Variants in KIAA1217 observed in about 807,000 individuals in gnomAD.
KIAA1217 encodes the protein KIAA1217, also known as sickle tail protein homolog.
In KIAA1217, 88 loss-of-function variants were observed where a neutral mutation model predicts 163.9. The ratio of observed to expected loss-of-function variants is 0.54; its 90% confidence interval spans 0.45 to 0.64. The LOEUF (loss-of-function observed/expected upper bound fraction) is 0.64. Among genes scored for constraint, KIAA1217 ranks in the 30% least tolerant of loss-of-function variants. KIAA1217 has a pLI of 0.00. For synonymous variants in KIAA1217, 903 were observed against 923.1 expected (o/e 0.98, Z 0.39); for missense variants, 2,372 against 2,475.0 (o/e 0.96, Z 0.88).
chr10:24,208,462 T>TA (rs1357145720), upstream of KIAA1217, among the ~76,000 whole-genome samples: 2 of 151,774 alleles, frequency 1.3e-5, no homozygotes, highest in African/African-American at 2.4e-5. Context: ...AACTTTTTTT[T>TA]AAAAAGTCCA....
At chr10:23,942,949 A>C (rs965283368) in intron 1 of KIAA1217, among the ~76,000 whole-genome samples, 49 of 148,864 alleles carry the variant, frequency 3.3e-4, no homozygotes, top group African/African-American at 1.2e-3. Context: ...CTGTACCAAA[A>C]AAAAAAAAAA....
chr10:23,870,891 G>A (rs1188863258), intron 1 of KIAA1217, among the ~76,000 whole-genome samples: 2 of 151,998 alleles, frequency 1.3e-5, no homozygotes, highest in African/African-American at 4.8e-5. Flanking sequence ...TATCCCTATG[G>A]TATATTTCAG....
At chr10:24,427,488 C>T (rs908608395) in intron 3 of KIAA1217, among the ~76,000 whole-genome samples, 2 of 152,086 alleles carry the variant, frequency 1.3e-5, no homozygotes, top group African/African-American at 4.8e-5. Context: ...TAGCTTCTGC[C>T]AAATGATGAG....
intron 1 of KIAA1217, among the ~76,000 whole-genome samples, chr10:23,870,109 G>T (rs1840388039): frequency 6.6e-6 from 1 of 152,068 alleles, no homozygotes; most frequent in African/African-American, 2.4e-5. Flanking sequence ...TAACAATGTA[G>T]CTATCTACCC....
intron 1 of KIAA1217, among the ~76,000 whole-genome samples, chr10:23,718,937 TATC>T (rs1404525472): frequency 6.6e-6 from 1 of 151,984 alleles, no homozygotes; most frequent in African/African-American, 2.4e-5. Context: ...TTTCAAGAAA[TATC>T]ATTCAGTTAG....
At chr10:23,870,772 A>G (rs1477918406) in intron 1 of KIAA1217, among the ~76,000 whole-genome samples, 3 of 152,154 alleles carry the variant, frequency 2.0e-5, no homozygotes, top group Non-Finnish European at 2.9e-5. Context: ...CAGTCTGGCT[A>G]CAAAATCAAG....
chr10:23,816,575 G>T (rs899607737), intron 1 of KIAA1217, among the ~76,000 whole-genome samples: 13 of 152,186 alleles, frequency 8.5e-5, no homozygotes, highest in Admixed American at 6.5e-4. Context: ...GCCTAGGCAG[G>T]TGGATCACTT....
At chr10:23,967,937 A>G (rs1351794886) in intron 1 of KIAA1217, among the ~76,000 whole-genome samples, 10 of 91,522 alleles carry the variant, frequency 1.1e-4, no homozygotes, top group East Asian at 3.9e-4. Flanking sequence ...GTGTGTGTGT[A>G]TGGAGGACAT....
intron 1 of KIAA1217, among the ~76,000 whole-genome samples, chr10:23,979,181 G>A (rs748340988): frequency 7.9e-5 from 12 of 152,288 alleles, no homozygotes; most frequent in Non-Finnish European, 1.2e-4. Context: ...TAGAAGAAGA[G>A]GAATTAAAAT....
intron 2 of KIAA1217, among the ~76,000 whole-genome samples, chr10:24,151,116 C>T (rs908920779): frequency 1.3e-5 from 2 of 151,994 alleles, no homozygotes; most frequent in African/African-American, 4.8e-5. Context: ...GAGTCAGGGG[C>T]AGGAGGCGCA....
intron 1 of KIAA1217, among the ~76,000 whole-genome samples, chr10:23,896,088 C>A (rs761428116): frequency 5.9e-5 from 9 of 151,716 alleles, no homozygotes; most frequent in Admixed American, 2.6e-4. Context: ...CACATGTATA[C>A]ATATGTAACT....
At chr10:24,359,078 C>CT (rs1358474203) in intron 2 of KIAA1217, among the ~76,000 whole-genome samples, 2,151 of 81,012 alleles carry the variant, frequency 0.027, 36 homozygotes, top group East Asian at 0.081. Flanking sequence ...TTCTTTCTTT[C>CT]TTTCTTTTTT....
chr10:24,164,471 G>A (rs1308457414), intron 2 of KIAA1217, among the ~76,000 whole-genome samples: 1 of 152,144 alleles, frequency 6.6e-6, no homozygotes, highest in African/African-American at 2.4e-5. Context: ...GTCTGAGAGA[G>A]GTAACCCCAT....
chr10:23,748,122 T>G (rs1203567319), intron 1 of KIAA1217, among the ~76,000 whole-genome samples: 1 of 152,178 alleles, frequency 6.6e-6, no homozygotes, highest in African/African-American at 2.4e-5. Context: ...ATCTGTTCTC[T>G]GCAGCCCAAC....
chr10:24,393,569 C>T (rs1224064221), intron 3 of KIAA1217, among the ~76,000 whole-genome samples: 1 of 152,172 alleles, frequency 6.6e-6, no homozygotes, highest in Non-Finnish European at 1.5e-5. Flanking sequence ...CTCCCAAATT[C>T]ATATGTTGAA....
At position 24,219,888 on chromosome 10, in the gene KIAA1217, C is replaced by A. The variant is rs1223753591; in HGVS notation, c.333C>A (p.His111Gln). ...ACCACGCCTCTGCAATCATGGGTCA[C>A]CAAGAGAGGCTGAGAGACCAGGTAC... ...YPHHASAIMG[H>Q]QERLRDQTRS... Residue 111 changes from histidine to glutamine, a missense_variant, in exon 2 of 21, where the codon CAC (histidine) becomes CAA (glutamine). His to Gln is a conservative substitution (Grantham distance 24). Around this residue, in one of 3 missense-constraint regions of KIAA1217, gnomAD observed 1,431 missense variants for 1,470.3 expected, o/e 0.97. Coordinates refer to ENST00000376454, the MANE Select transcript of KIAA1217 (RefSeq NM_019590.5). 6.2e-7 allele frequency: 1 copy of A among 1,604,444 alleles called. No homozygotes were observed. Among genetic ancestry groups the A allele is most frequent in the East Asian group, 2.2e-5 (1 of 44,758 alleles).
chr10:23,795,153 AT>A (rs1217275052), intron 1 of KIAA1217, among the ~76,000 whole-genome samples: 1 of 152,170 alleles, frequency 6.6e-6, no homozygotes, highest in Non-Finnish European at 1.5e-5. Context: ...AGTAATCTTT[AT>A]TGACAATTTA....
chr10:24,102,926 A>G (rs1238858286), intron 2 of KIAA1217, among the ~76,000 whole-genome samples: 3 of 152,188 alleles, frequency 2.0e-5, no homozygotes, highest in African/African-American at 7.2e-5. Flanking sequence ...TACTGTGCTC[A>G]GGGCAGTGAT....
At chr10:24,495,082 CTTT>C in intron 7 of KIAA1217, 62 bp from the exon 8 acceptor site, 7 of 1,171,856 alleles carry the variant, frequency 6.0e-6, no homozygotes, top group Non-Finnish European at 8.5e-6. Flanking sequence ...ATGGAATGGG[CTTT>C]AAAAAAAAAA....
Sources: gnomAD v4.1 joint callset for allele counts (sites outside exome capture counted in the v4.1 genomes callset) on GRCh38, gnomAD v4.1.1 for gene constraint, gnomAD v4.1.1 regional missense constraint, MANE v1.5 for transcripts, NCBI Gene and HGNC (gene_info 2026-07-23, HGNC 2026-07-21) for gene names.